The following RDX variants were observed in gnomAD, a reference collection of about 807,000 sequenced individuals.
RDX encodes radixin.
RDX carries 32 observed loss-of-function variants against 83.7 expected under a neutral mutation model. That is an observed-to-expected ratio of 0.38 (90% CI 0.29 to 0.51). The LOEUF is 0.51. Among genes scored for constraint, RDX ranks in the 20% least tolerant of loss-of-function variants. The pLI, the probability that RDX is intolerant of heterozygous loss-of-function variation, is 0.87. For missense variants in RDX, 600 were observed against 689.9 expected, an observed-to-expected ratio of 0.87 and a Z score of 1.46; for synonymous variants, 229 against 222.7, an observed-to-expected ratio of 1.03 and a Z score of -0.25.
chr11:110,219,486 T>C (rs1320974990), intron 14 of RDX, among the ~76,000 whole-genome samples: 1 of 152,068 alleles, frequency 6.6e-6, no homozygotes, highest in African/African-American at 2.4e-5. Flanking sequence ...AAACAGGAAA[T>C]CAAGAAAACA....
chr11:110,257,282 T>C (rs1024516947), intron 7 of RDX, among the ~76,000 whole-genome samples: 2 of 151,980 alleles, frequency 1.3e-5, no homozygotes, highest in Admixed American at 6.6e-5. Context: ...GGATATTCTA[T>C]TGTATTAATG....
At chr11:110,197,353 C>T (rs1050625435) in intron 15 of RDX, among the ~76,000 whole-genome samples, 3 of 152,206 alleles carry the variant, frequency 2.0e-5, no homozygotes, top group African/African-American at 7.2e-5. Flanking sequence ...CCTGTTCTTT[C>T]TCTTGGGTCA....
chr11:110,245,359 G>C (rs1859063802), intron 10 of RDX, among the ~76,000 whole-genome samples: 2 of 152,142 alleles, frequency 1.3e-5, no homozygotes, highest in African/African-American at 4.8e-5. Context: ...CTTGAGCCCA[G>C]GAGTTTGAGG....
At position 110,278,548 on chromosome 11, in the gene RDX, T is replaced by A. The variant is rs542998250; in HGVS notation, c.12+1133A>T. Among the ~76,000 whole-genome samples the A allele has an allele frequency of 5.3e-5, 8 of 152,284 alleles. No homozygotes were observed. The South Asian group carries it at 1.7e-3, about 32-fold the overall frequency. ...TAACTAAATAACCAAACTAGTTTTA[T>A]ATAAAAAAGGCCATTGATTTTTTTT... On this transcript the variant is annotated intron_variant, in intron 2 of 13. Transcript: ENST00000645495.
chr11:110,225,267 G>A (rs1490418899), downstream of RDX, among the ~76,000 whole-genome samples: 1 of 152,058 alleles, frequency 6.6e-6, no homozygotes, highest in East Asian at 1.9e-4. Flanking sequence ...AAACTTTTGT[G>A]CATCAAAGAA....
chr11:110,272,693 T>A, intron 2 of RDX, 74 bp from the exon 3 acceptor site: 1 of 977,100 alleles, frequency 1.0e-6, no homozygotes, highest in Non-Finnish European at 1.6e-6. Context: ...TGATTTTCTT[T>A]ATTAAAGTGA....
rs751864648 is a variant in RDX at position 110,279,742 on chromosome 11, T to C, written c.-50A>G. 3 of 1,221,080 alleles carry C rather than the reference T, an allele frequency of 2.5e-6. No homozygotes were observed. The highest frequency in any genetic ancestry group is 3.6e-6 in the Non-Finnish European group (3 of 831,696). 75.6% of individuals were successfully genotyped at this position (1,221,080 alleles called of 1,614,324 possible). A position where few individuals can be genotyped will look rare whatever the true frequency, so the allele number is the denominator to read the frequency against. On this transcript the variant is annotated 5_prime_UTR_variant, in exon 2 of 14. Transcript: ENST00000645495. ...TTTAAAAATTCTCCACTTCAATGAA[T>C]TCTGTTATCACTTTCTGTTAAAAAA...
intron 3 of RDX, among the ~76,000 whole-genome samples, chr11:110,265,088 T>G (rs1328823209): frequency 6.7e-6 from 1 of 148,730 alleles, no homozygotes; most frequent in African/African-American, 2.5e-5. Flanking sequence ...TTTTTTTTTT[T>G]GAAAAGAAGT....
intron 2 of RDX, among the ~76,000 whole-genome samples, chr11:110,274,093 A>C (rs1225703743): frequency 6.6e-6 from 1 of 152,204 alleles, no homozygotes; most frequent in Non-Finnish European, 1.5e-5. Flanking sequence ...CTGTAATCAG[A>C]TCTTACAGAT....
chr11:110,218,900 G>A (rs979765171), intron 14 of RDX, among the ~76,000 whole-genome samples: 1 of 152,120 alleles, frequency 6.6e-6, no homozygotes, highest in Non-Finnish European at 1.5e-5. Flanking sequence ...TTATTAAATA[G>A]GAGCATCTAT....
In RDX at chr11:110,236,075, G is replaced by T. The variant is rs773918630; in HGVS notation, c.1344+24C>A. Reference sequence around the variant, plus strand: ...TGGGTATAAAAGCTATTCAATAAAAGCTAGTAAATGAATAAATGATTACTT... The same window carrying T: ...TGGGTATAAAAGCTATTCAATAAAATCTAGTAAATGAATAAATGATTACTT... On this transcript the variant is annotated intron_variant, in intron 12 of 13. Transcript: ENST00000645495. 6 of 1,496,058 alleles carry T rather than the reference G, an allele frequency of 4.0e-6. No homozygotes were observed. The African/African-American group carries it at 4.1e-5, about 10-fold the overall frequency. 92.7% of individuals were successfully genotyped at this position (1,496,058 alleles called of 1,614,324 possible). A position where few individuals can be genotyped will look rare whatever the true frequency, so the allele number is the denominator to read the frequency against.
Position 110,264,801 on chromosome 11 carries a change from G to A in RDX, c.170C>T (p.Thr57Ile). 1.2e-6 allele frequency: 2 copies of A among 1,612,760 alleles called. No individual in the cohort carries two copies. Among genetic ancestry groups the A allele is most frequent in the African/African-American group, 1.3e-5 (1 of 74,924 alleles). The stretch of plus-strand genomic sequence containing the variant: ...TACCTTTTTATTTAGTTTAAGCCAT[G>A]TAGAATAACCTTTGCTGTCTACATA... ...LQYVDSKGYS[T>I]WLKLNKKVTQ... The change falls in exon 4 of 14, where the codon ACA (threonine) becomes ATA (isoleucine). Residue 57 changes from threonine to isoleucine, a missense_variant. Coordinates refer to ENST00000645495, the MANE Select transcript of RDX (RefSeq NM_002906.4).
intron 14 of RDX, among the ~76,000 whole-genome samples, chr11:110,217,819 A>G (rs1864108954): frequency 6.6e-6 from 1 of 152,008 alleles, no homozygotes; most frequent in South Asian, 2.1e-4. Context: ...TGTCACTGTT[A>G]GCAAGAGGTT....
At chr11:110,233,588 T>C (rs1591133450) in intron 12 of RDX, 109 bp from the exon 13 acceptor site, 2 of 1,165,132 alleles carry the variant, frequency 1.7e-6, no homozygotes, top group Non-Finnish European at 1.2e-6. Context: ...GTAATGAAAA[T>C]AGGCCCTATT....
downstream of RDX, among the ~76,000 whole-genome samples, chr11:110,225,130 C>T (rs1446569694): frequency 1.3e-5 from 2 of 152,182 alleles, no homozygotes; most frequent in Non-Finnish European, 2.9e-5. Flanking sequence ...TAACCATATA[C>T]GTATTCTCTC....
chr11:110,221,441 T>C (rs1030923940), intron 14 of RDX, among the ~76,000 whole-genome samples: 1 of 151,902 alleles, frequency 6.6e-6, no homozygotes, highest in Admixed American at 6.6e-5. Flanking sequence ...CTACTAAAAA[T>C]ACAAAAATTA....
chr11:110,187,808 GCA>G, intron 15 of RDX, among the ~76,000 whole-genome samples: 1 of 152,230 alleles, frequency 6.6e-6, no homozygotes, highest in African/African-American at 2.4e-5. Flanking sequence ...ATGGTGCACT[GCA>G]CAGATCAACC....
At chr11:110,192,915 G>C (rs535399602) in intron 15 of RDX, among the ~76,000 whole-genome samples, 3 of 152,114 alleles carry the variant, frequency 2.0e-5, no homozygotes, top group Non-Finnish European at 4.4e-5. Flanking sequence ...TACACTGTTG[G>C]TGGGAATATA....
At chr11:110,186,775 A>G (rs1862997298) in intron 15 of RDX, among the ~76,000 whole-genome samples, 1 of 152,198 alleles carries the variant, frequency 6.6e-6, no homozygotes, top group Non-Finnish European at 1.5e-5. Flanking sequence ...GGACACGGAA[A>G]AGTGGCAGAT....
Sources: gnomAD v4.1 joint callset for allele counts (sites outside exome capture counted in the v4.1 genomes callset) on GRCh38, gnomAD v4.1.1 for gene constraint, MANE v1.5 for transcripts, NCBI Gene and HGNC (gene_info 2026-07-23, HGNC 2026-07-21) for gene names.